CAMSAP2: variants seen among roughly 807,000 people sequenced by gnomAD.
CAMSAP2 encodes calmodulin regulated spectrin associated protein family member 2, also known as calmodulin-regulated spectrin-associated protein 2.
Under a neutral mutation model 146.1 loss-of-function variants are expected in CAMSAP2, and 26 were observed. The ratio of observed to expected loss-of-function variants is 0.18; its 90% CI spans 0.13 to 0.25. The LOEUF is 0.25. Among genes scored for constraint, CAMSAP2 ranks in the 10% least tolerant of loss-of-function variants. The pLI is 1.00. For missense variants in CAMSAP2, 1,381 were observed against 1,759.3 expected, an observed-to-expected ratio of 0.78 and a Z score of 3.85; for synonymous variants, 499 against 596.6, an observed-to-expected ratio of 0.84 and a Z score of 2.38.
At position 200,794,612 on chromosome 1, in the gene CAMSAP2, G is replaced by T. The variant is rs139833762; in HGVS notation, c.400-12764G>T. On this transcript the variant is annotated intron_variant, in intron 2 of 16. Coordinates refer to ENST00000358823, the MANE Select transcript of CAMSAP2 (RefSeq NM_203459.4). ...TATTTGAATCTTAAAATGAGCATCTGCCCCAGGGCCCCTTCCCAGAGGTAC... is the reference window on the plus strand; with the variant it reads ...TATTTGAATCTTAAAATGAGCATCTTCCCCAGGGCCCCTTCCCAGAGGTAC... Among the ~76,000 whole-genome samples, 1,130 of 152,266 alleles carry T rather than the reference G, an allele frequency of 7.4e-3. 12 individuals carry two copies. Among genetic ancestry groups the T allele is most frequent in the Middle Eastern group, 0.044 (13 of 294 alleles).
intron 1 of CAMSAP2, among the ~76,000 whole-genome samples, chr1:200,742,946 T>C (rs1261580440): frequency 6.6e-6 from 1 of 152,222 alleles, no homozygotes. Flanking sequence ...CTCTTTACAG[T>C]AGTATTACAA....
intron 4 of CAMSAP2, among the ~76,000 whole-genome samples, chr1:200,820,766 C>T (rs1200511167): frequency 6.6e-6 from 1 of 152,116 alleles, no homozygotes; most frequent in Non-Finnish European, 1.5e-5. Flanking sequence ...AAGAATGTTG[C>T]AATCCATTTC....
rs1667769602 is a variant in CAMSAP2 at position 200,857,152 on chromosome 1, G to T, written c.4013-154G>T. Reference sequence around the variant, plus strand: ...TCTGGGTGGATAAAACAATGTTTTGGTTGGATTGCAGCCAGTAAGAGGCCT... The same window carrying T: ...TCTGGGTGGATAAAACAATGTTTTGTTTGGATTGCAGCCAGTAAGAGGCCT... On this transcript the variant is annotated intron_variant, in intron 15 of 16. Coordinates refer to ENST00000358823, the MANE Select transcript of CAMSAP2 (RefSeq NM_203459.4). This position sits in a 1 kb window ranked among gnomAD's most constrained non-coding sequence, Gnocchi z 4.7. Among the ~76,000 whole-genome samples, 2 of 152,174 alleles carry T rather than the reference G, an allele frequency of 1.3e-5. No individual in the cohort carries two copies. Among genetic ancestry groups the T allele is most frequent in the South Asian group, 4.1e-4 (2 of 4,824 alleles).
chr1:200,752,550 G>A (rs1427433659), intron 1 of CAMSAP2, among the ~76,000 whole-genome samples: 1 of 151,428 alleles, frequency 6.6e-6, no homozygotes, highest in Admixed American at 6.6e-5. Context: ...TGCCAATTAT[G>A]TTGATTTTCA....
intron 8 of CAMSAP2, among the ~76,000 whole-genome samples, chr1:200,846,721 A>T (rs1340139744): frequency 6.6e-6 from 1 of 152,218 alleles, no homozygotes; most frequent in East Asian, 1.9e-4. Context: ...GAGAAAGAAA[A>T]AAACAAAGGA....
At chr1:200,756,791 T>A (rs181740151) in intron 1 of CAMSAP2, among the ~76,000 whole-genome samples, 3 of 152,212 alleles carry the variant, frequency 2.0e-5, no homozygotes, top group African/African-American at 7.2e-5. Context: ...GAATTTTTTT[T>A]AATAACATTT....
rs150862953 is a variant in CAMSAP2 at position 200,779,535 on chromosome 1, G to A, written c.399+18437G>A. ...GAGATTTGGGAATCAGCTGAGAGTA[G>A]TGGTTATTGACGTCATGGAAATTGT... On this transcript the variant is annotated intron_variant, in intron 2 of 16. Coordinates refer to ENST00000358823, the MANE Select transcript of CAMSAP2 (RefSeq NM_203459.4). Among the ~76,000 whole-genome samples, 190 of 152,294 alleles carry A rather than the reference G, an allele frequency of 1.2e-3. 1 individual carries two copies. Among genetic ancestry groups the A allele is most frequent in the African/African-American group, 4.3e-3 (180 of 41,568 alleles).
chr1:200,766,680 C>T (rs1664962350), intron 2 of CAMSAP2, among the ~76,000 whole-genome samples: 1 of 152,014 alleles, frequency 6.6e-6, no homozygotes, highest in Admixed American at 6.5e-5. Context: ...TCTTATTTTA[C>T]TTCTCTTTTA....
chr1:200,816,803 C>T (rs1474728804), intron 4 of CAMSAP2, among the ~76,000 whole-genome samples: 1 of 91,382 alleles, frequency 1.1e-5, no homozygotes, highest in African/African-American at 4.8e-5. Context: ...CACACACACG[C>T]GTGTATATAT....
chr1:200,775,206 C>G (rs973170474), intron 2 of CAMSAP2, among the ~76,000 whole-genome samples: 2 of 152,112 alleles, frequency 1.3e-5, no homozygotes, highest in African/African-American at 4.8e-5. Context: ...AAGAACATTC[C>G]AGGCAAAAGA....
At chr1:200,782,113 T>C (rs370062349) in intron 2 of CAMSAP2, among the ~76,000 whole-genome samples, 1 of 152,200 alleles carries the variant, frequency 6.6e-6, no homozygotes, top group South Asian at 2.1e-4. Flanking sequence ...ACAGTGACTG[T>C]ATAATGCCTT....
Position 200,802,631 on chromosome 1 carries a change from G to A in CAMSAP2, c.400-4745G>A, listed in dbSNP as rs537662927. ...CCTGTGGGCGTACTTGGGCATAGTAGGCAGTCTAGCCACTTTATTAGTCCA... is the reference window on the plus strand; with the variant it reads ...CCTGTGGGCGTACTTGGGCATAGTAAGCAGTCTAGCCACTTTATTAGTCCA... On this transcript the variant is annotated intron_variant, in intron 2 of 16. Transcript: ENST00000358823. 2.0e-5 allele frequency among the ~76,000 whole-genome samples: 3 copies of A among 152,192 alleles called. No homozygotes were observed. In the East Asian group the frequency reaches 5.8e-4, roughly 29 times the overall value.
At chr1:200,843,713 C>G (rs1442310787) in intron 7 of CAMSAP2, among the ~76,000 whole-genome samples, 5 of 152,108 alleles carry the variant, frequency 3.3e-5, no homozygotes, top group African/African-American at 1.2e-4. Flanking sequence ...TAATTATTTT[C>G]TAAAGAAATT....
chr1:200,847,310 G>A lies in CAMSAP2; in HGVS notation c.1192+18G>A, dbSNP rs1571827124. ...AGCCTCAGGTAATATATTTGAAAAAGCCTAGGAAAATACTCTTTTAAGTAG... is the reference window on the plus strand; with the variant it reads ...AGCCTCAGGTAATATATTTGAAAAAACCTAGGAAAATACTCTTTTAAGTAG... On this transcript the variant is annotated intron_variant, in intron 9 of 16. Coordinates refer to ENST00000358823, the MANE Select transcript of CAMSAP2 (RefSeq NM_203459.4). 6 of 1,559,360 alleles carry A rather than the reference G, an allele frequency of 3.8e-6. No homozygotes were observed. The South Asian group carries it at 5.7e-5, about 15-fold the overall frequency.
At chr1:200,753,454 T>C (rs1558161270) in intron 1 of CAMSAP2, among the ~76,000 whole-genome samples, 2 of 152,122 alleles carry the variant, frequency 1.3e-5, no homozygotes, top group Non-Finnish European at 2.9e-5. Context: ...GGTGCCTCCT[T>C]CTTTGTGTTC....
chr1:200,835,826 G>A (rs1406875392), intron 6 of CAMSAP2, among the ~76,000 whole-genome samples: 1 of 152,084 alleles, frequency 6.6e-6, no homozygotes, highest in African/African-American at 2.4e-5. Context: ...TGCTACTTCT[G>A]TAATCTCAAA....
intron 2 of CAMSAP2, among the ~76,000 whole-genome samples, chr1:200,767,733 A>G (rs1334417731): frequency 2.0e-5 from 3 of 152,190 alleles, no homozygotes; most frequent in Non-Finnish European, 4.4e-5. Flanking sequence ...TTGAAAAATT[A>G]ATTACATTCT....
chr1:200,821,401 T>C (rs1339527405), intron 4 of CAMSAP2, among the ~76,000 whole-genome samples: 1 of 152,212 alleles, frequency 6.6e-6, no homozygotes, highest in Non-Finnish European at 1.5e-5. Flanking sequence ...CAGGCTGATC[T>C]CAAGCTCCTG....
At chr1:200,801,744 A>C (rs1666041402) in intron 2 of CAMSAP2, among the ~76,000 whole-genome samples, 1 of 152,114 alleles carries the variant, frequency 6.6e-6, no homozygotes, top group African/African-American at 2.4e-5. Context: ...ACACCATCTA[A>C]ATTATATTTA....
Sources: allele counts gnomAD v4.1 joint callset (sites outside exome capture counted in the v4.1 genomes callset), GRCh38; gene constraint gnomAD v4.1.1; non-coding constraint Gnocchi (gnomAD v3.1); transcripts MANE v1.5; gene names NCBI Gene and HGNC (gene_info 2026-07-23, HGNC 2026-07-21).